CDH18: variants seen among roughly 807,000 people sequenced by gnomAD.
The protein encoded by CDH18 is cadherin-18.
CDH18 carries 31 observed loss-of-function variants against 67.9 expected under a neutral mutation model. That is an observed-to-expected ratio of 0.46 (90% CI 0.34 to 0.62). The LOEUF (loss-of-function observed/expected upper bound fraction) is 0.62. CDH18 is among the 20% of genes least tolerant of loss of function. The probability of loss-of-function intolerance (pLI) is 0.01; values close to 1 mark genes in which losing one functional copy is unlikely to be tolerated. For synonymous variants in CDH18, 362 were observed against 347.2 expected, an observed-to-expected ratio of 1.04 and a Z score of -0.48; for missense variants, 890 against 975.5, an observed-to-expected ratio of 0.91 and a Z score of 1.17.
chr5:19,568,585 T>C (rs766963726), intron 8 of CDH18, among the ~76,000 whole-genome samples: 1 of 152,122 alleles, frequency 6.6e-6, no homozygotes, highest in African/African-American at 2.4e-5. Context: ...AGGAGAAAAT[T>C]GGTGGGACAT....
At chr5:20,545,900 G>A (rs538834617) in intron 1 of CDH18, among the ~76,000 whole-genome samples, 1 of 152,058 alleles carries the variant, frequency 6.6e-6, no homozygotes, top group Non-Finnish European at 1.5e-5. Flanking sequence ...TTTATGCTCT[G>A]CTTCCCTTTT....
intron 2 of CDH18, among the ~76,000 whole-genome samples, chr5:20,228,257 G>C (rs1328604687): frequency 6.6e-6 from 1 of 151,810 alleles, no homozygotes; most frequent in Non-Finnish European, 1.5e-5. Flanking sequence ...ATTTTGACTA[G>C]AAATTTTTCT....
intron 5 of CDH18, among the ~76,000 whole-genome samples, chr5:19,690,624 CAA>C (rs144038598): frequency 6.6e-6 from 1 of 150,898 alleles, no homozygotes; most frequent in Non-Finnish European, 1.5e-5. Flanking sequence ...CACAGAAATA[CAA>C]AAAAAATCAG....
At chr5:20,039,719 C>T (rs779135962) in intron 2 of CDH18, among the ~76,000 whole-genome samples, 6 of 151,956 alleles carry the variant, frequency 3.9e-5, no homozygotes, top group Admixed American at 1.3e-4. Context: ...AAGACTTAAA[C>T]GTAAGAACTA....
intron 2 of CDH18, among the ~76,000 whole-genome samples, chr5:20,228,909 TC>T (rs1741847749): frequency 6.6e-6 from 1 of 152,088 alleles, no homozygotes; most frequent in Non-Finnish European, 1.5e-5. Context: ...TGGACATCAG[TC>T]TTTTGTGTGA....
At chr5:20,183,342 C>T (rs1737846851) in intron 2 of CDH18, among the ~76,000 whole-genome samples, 1 of 151,908 alleles carries the variant, frequency 6.6e-6, no homozygotes, top group African/African-American at 2.4e-5. Flanking sequence ...ATGTGTATAA[C>T]AGATTTACCA....
chr5:20,041,023 T>C (rs937750715), intron 2 of CDH18, among the ~76,000 whole-genome samples: 3 of 152,186 alleles, frequency 2.0e-5, no homozygotes, highest in Non-Finnish European at 4.4e-5. Context: ...TAACATTATG[T>C]TGTTGGTTTT....
At chr5:19,767,252 A>G (rs1475649259) in intron 3 of CDH18, among the ~76,000 whole-genome samples, 2 of 152,078 alleles carry the variant, frequency 1.3e-5, no homozygotes, top group Non-Finnish European at 2.9e-5. Flanking sequence ...AAATAATAAC[A>G]TTATAAGCTG....
chr5:19,647,645 TC>T (rs1455696590), intron 5 of CDH18, among the ~76,000 whole-genome samples: 2 of 145,074 alleles, frequency 1.4e-5, no homozygotes, highest in Non-Finnish European at 3.0e-5. Flanking sequence ...TCATCTCTGC[TC>T]CCTGTGGAGC....
chr5:20,225,961 G>T (rs146618429), intron 2 of CDH18, among the ~76,000 whole-genome samples: 1,675 of 152,126 alleles, frequency 0.011, 31 homozygotes, highest in African/African-American at 0.038. Context: ...AGGAAGACGG[G>T]CAGTGCCAGG....
At chr5:19,598,991 A>G (rs1746618939) in intron 6 of CDH18, among the ~76,000 whole-genome samples, 1 of 152,192 alleles carries the variant, frequency 6.6e-6, no homozygotes, top group South Asian at 2.1e-4. Context: ...TAGACAAAAT[A>G]GAAAAAAGGC....
chr5:20,115,852 C>T (rs2126378637), intron 2 of CDH18, among the ~76,000 whole-genome samples: 1 of 152,124 alleles, frequency 6.6e-6, no homozygotes, highest in Middle Eastern at 3.4e-3. Context: ...CATGGCTAAC[C>T]ATGATTATTC....
intron 1 of CDH18, among the ~76,000 whole-genome samples, chr5:20,533,875 CTTAA>C (rs985237038): frequency 1.3e-5 from 2 of 151,850 alleles, no homozygotes; most frequent in African/African-American, 4.8e-5. Flanking sequence ...ATAAACAATG[CTTAA>C]TTAAAATTTT....
At chr5:20,224,691 A>G (rs1741475668) in intron 2 of CDH18, among the ~76,000 whole-genome samples, 1 of 152,132 alleles carries the variant, frequency 6.6e-6, no homozygotes, top group Non-Finnish European at 1.5e-5. Context: ...ATTAAAGAAC[A>G]AATAGTGTTT....
chr5:19,997,526 G>A (rs1736109308), intron 2 of CDH18, among the ~76,000 whole-genome samples: 1 of 152,130 alleles, frequency 6.6e-6, no homozygotes, highest in African/African-American at 2.4e-5. Flanking sequence ...TAGGCTTCCA[G>A]TATCACTTTG....
intron 3 of CDH18, among the ~76,000 whole-genome samples, chr5:19,808,880 A>G (rs2149884516): frequency 6.6e-6 from 1 of 151,194 alleles, no homozygotes; most frequent in South Asian, 2.1e-4. Flanking sequence ...AAATCAGTCT[A>G]CAATTAGTTA....
intron 3 of CDH18, among the ~76,000 whole-genome samples, chr5:19,747,658 A>T (rs1010464073): frequency 1.3e-5 from 2 of 152,066 alleles, no homozygotes; most frequent in Admixed American, 6.5e-5. Context: ...CTAGAAAAAA[A>T]ATATATGGTA....
chr5:20,433,544 TA>T (rs1392215902), intron 1 of CDH18, among the ~76,000 whole-genome samples: 1 of 151,966 alleles, frequency 6.6e-6, no homozygotes, highest in Non-Finnish European at 1.5e-5. Flanking sequence ...TGTTGTAATG[TA>T]AAAGAAGGTG....
chr5:19,627,917 G>C (rs1256217768), intron 5 of CDH18, among the ~76,000 whole-genome samples: 1 of 152,194 alleles, frequency 6.6e-6, no homozygotes. Context: ...AGGTAATTAA[G>C]AGCAGGCACA....
Sources: gnomAD v4.1 joint callset for allele counts (sites outside exome capture counted in the v4.1 genomes callset) on GRCh38, gnomAD v4.1.1 for gene constraint, MANE v1.5 for transcripts, NCBI Gene and HGNC (gene_info 2026-07-23, HGNC 2026-07-21) for gene names.